Variants in ANKS1B observed in about 807,000 individuals in gnomAD.
ANKS1B encodes the protein ankyrin repeat and sterile alpha motif domain containing 1B, also known as ankyrin repeat and sterile alpha motif domain-containing protein 1B.
Under a neutral mutation model 148.3 loss-of-function variants are expected in ANKS1B, and 36 were observed. The ratio of observed to expected loss-of-function variants is 0.24; its 90% CI spans 0.19 to 0.32. ANKS1B has a LOEUF of 0.32. ANKS1B is among the 10% of genes least tolerant of loss of function. ANKS1B has a pLI of 1.00. For missense variants in ANKS1B, 1,157 were observed against 1,542.6 expected (o/e 0.75, Z 4.19); for synonymous variants, 542 against 560.8 (o/e 0.97, Z 0.47).
At chr12:99,334,338 C>T (rs923805138) in intron 12 of ANKS1B, among the ~76,000 whole-genome samples, 1 of 152,034 alleles carries the variant, frequency 6.6e-6, no homozygotes, top group African/African-American at 2.4e-5. Flanking sequence ...AACATTCATG[C>T]TTTAATATTA....
intron 11 of ANKS1B, among the ~76,000 whole-genome samples, chr12:99,441,823 G>T (rs2152789518): frequency 6.6e-6 from 1 of 152,020 alleles, no homozygotes; most frequent in South Asian, 2.1e-4. Context: ...TTTCTTCAAA[G>T]ATAACCAGGT....
chr12:99,757,958 G>A (rs1199615835), intron 8 of ANKS1B, among the ~76,000 whole-genome samples: 1 of 151,928 alleles, frequency 6.6e-6, no homozygotes, highest in East Asian at 1.9e-4. Context: ...TGGGAGAAGG[G>A]AGAGTATTGG....
chr12:99,932,807 T>G (rs541468933), intron 1 of ANKS1B, among the ~76,000 whole-genome samples: 14 of 152,278 alleles, frequency 9.2e-5, no homozygotes, highest in African/African-American at 2.6e-4. Context: ...TTTGGTTGCC[T>G]GTGCTTGTGA....
intron 8 of ANKS1B, among the ~76,000 whole-genome samples, chr12:99,749,450 G>A (rs951661976): frequency 2.0e-5 from 3 of 152,050 alleles, no homozygotes; most frequent in Non-Finnish European, 4.4e-5. Flanking sequence ...TACATTGTTT[G>A]AGTACTAGGA....
At chr12:98,922,656 G>A (rs1214509521) in intron 17 of ANKS1B, among the ~76,000 whole-genome samples, 9 of 152,014 alleles carry the variant, frequency 5.9e-5, no homozygotes, top group Admixed American at 1.3e-4. Flanking sequence ...GCACCACCAC[G>A]CCTGGCTAAT....
At chr12:99,196,580 C>T (rs1040901244) in intron 14 of ANKS1B, among the ~76,000 whole-genome samples, 3 of 147,918 alleles carry the variant, frequency 2.0e-5, no homozygotes, top group Admixed American at 7.0e-5. Flanking sequence ...GCTCTGGATG[C>T]TTTCTGTTTT....
intron 4 of ANKS1B, among the ~76,000 whole-genome samples, chr12:99,784,589 C>A (rs1602087381): frequency 6.6e-6 from 1 of 152,164 alleles, no homozygotes; most frequent in South Asian, 2.1e-4. Context: ...TCTAGATATA[C>A]CTACCACTAG....
At chr12:99,870,506 C>A (rs772825178) in intron 1 of ANKS1B, among the ~76,000 whole-genome samples, 5 of 152,070 alleles carry the variant, frequency 3.3e-5, no homozygotes, top group Admixed American at 6.5e-5. Context: ...TGAGAAATAT[C>A]CCACCTCCAC....
intron 9 of ANKS1B, among the ~76,000 whole-genome samples, chr12:99,643,087 A>T (rs1000905732): frequency 6.6e-6 from 1 of 152,230 alleles, no homozygotes; most frequent in Non-Finnish European, 1.5e-5. Context: ...TAGGCTCTAC[A>T]TACTAGAATT....
chr12:98,968,541 T>C (rs545547576), intron 17 of ANKS1B, among the ~76,000 whole-genome samples: 2 of 152,200 alleles, frequency 1.3e-5, no homozygotes, highest in Admixed American at 6.5e-5. Context: ...TCCACTGTGG[T>C]TTCCTTTTGT....
At chr12:98,876,919 T>G (rs1346513858) in intron 17 of ANKS1B, among the ~76,000 whole-genome samples, 1 of 152,226 alleles carries the variant, frequency 6.6e-6, no homozygotes, top group African/African-American at 2.4e-5. Flanking sequence ...GAAGCAGCAT[T>G]TTATACCAGG....
chr12:99,115,181 C>T (rs2061092946), intron 15 of ANKS1B, among the ~76,000 whole-genome samples: 1 of 152,154 alleles, frequency 6.6e-6, no homozygotes, highest in African/African-American at 2.4e-5. Context: ...GCGATGTTTA[C>T]TGCAGCAGTA....
intron 12 of ANKS1B, among the ~76,000 whole-genome samples, chr12:99,378,105 T>C (rs961707356): frequency 2.0e-5 from 3 of 152,186 alleles, no homozygotes; most frequent in African/African-American, 4.8e-5. Context: ...CTATACCTCA[T>C]AGATCATTTA....
At chr12:99,496,017 A>G (rs1198445232) in intron 10 of ANKS1B, among the ~76,000 whole-genome samples, 1 of 152,216 alleles carries the variant, frequency 6.6e-6, no homozygotes, top group African/African-American at 2.4e-5. Context: ...CAAATTGAAC[A>G]GAGGTAACTA....
At chr12:99,388,919 T>C (rs1299452453) in intron 12 of ANKS1B, among the ~76,000 whole-genome samples, 1 of 152,222 alleles carries the variant, frequency 6.6e-6, no homozygotes, top group Non-Finnish European at 1.5e-5. Flanking sequence ...AAACCAGTGA[T>C]TGGAGACCTT....
intron 1 of ANKS1B, among the ~76,000 whole-genome samples, chr12:99,910,040 G>A (rs1243426962): frequency 1.3e-5 from 2 of 152,084 alleles, no homozygotes; most frequent in Non-Finnish European, 2.9e-5. Context: ...TCTGCAAGCT[G>A]TAAAAAGATC....
At chr12:99,584,597 G>C (rs966451984) in intron 9 of ANKS1B, among the ~76,000 whole-genome samples, 1 of 151,356 alleles carries the variant, frequency 6.6e-6, no homozygotes, top group Non-Finnish European at 1.5e-5. Flanking sequence ...ATCCTGTTTT[G>C]AGAGAGAAAT....
At chr12:99,187,819 C>T (rs2080076491) in intron 14 of ANKS1B, among the ~76,000 whole-genome samples, 1 of 152,158 alleles carries the variant, frequency 6.6e-6, no homozygotes, top group African/African-American at 2.4e-5. Context: ...ATCATAATGA[C>T]AGGATCAAAT....
intron 12 of ANKS1B, among the ~76,000 whole-genome samples, chr12:99,366,993 T>C (rs994008475): frequency 6.6e-6 from 1 of 152,174 alleles, no homozygotes; most frequent in Non-Finnish European, 1.5e-5. Flanking sequence ...TGGGGATGGA[T>C]AATTCTTTGT....
Sources: gnomAD v4.1 joint callset for allele counts (sites outside exome capture counted in the v4.1 genomes callset) on GRCh38, gnomAD v4.1.1 for gene constraint, MANE v1.5 for transcripts, NCBI Gene and HGNC (gene_info 2026-07-23, HGNC 2026-07-21) for gene names.